Variants in KMT2D observed in about 807,000 individuals in gnomAD.
KMT2D encodes the protein histone-lysine N-methyltransferase 2D.
In KMT2D, 55 loss-of-function variants were observed where a neutral mutation model predicts 512.7. That is an observed-to-expected ratio of 0.11 (90% CI 0.09 to 0.13). The LOEUF (loss-of-function observed/expected upper bound fraction) is 0.13, where lower values mean the gene tolerates loss of function less well. KMT2D is among the 10% of genes least tolerant of loss of function. KMT2D has a pLI of 1.00. For synonymous variants in KMT2D, 2,995 were observed against 2,904.0 expected, an observed-to-expected ratio of 1.03 and a Z score of -1.01; for missense variants, 6,061 against 7,127.9, an observed-to-expected ratio of 0.85 and a Z score of 5.39.
At position 49,054,690 on chromosome 12, in the gene KMT2D, G is replaced by A. The variant is rs1455183787; in HGVS notation, c.238C>T (p.Arg80Trp). ...NCGEPSLHGQ[R>W]ELRRFELPFD... is the part of the protein sequence containing the mutation. The stretch of plus-strand genomic sequence containing the variant: ...GGCAACTCAAAGCGCCGTAGCTCCC[G>A]CTGCCCGTGTAGACTGGGCTCCCCG... The change falls in exon 4 of 55, where the codon CGG becomes TGG. Residue 80 changes from arginine (R) to tryptophan (W), a missense_variant. By Grantham distance (101) the Arg-to-Trp change is moderately radical (BLOSUM62 -3). This residue lies in a region of KMT2D where 144 missense variants were observed against 165.7 expected (regional missense o/e 0.87). Transcript: ENST00000301067. The surrounding 1 kb of genome is among the most constrained non-coding windows in gnomAD (Gnocchi z 6.4). The A allele has an allele frequency of 4.3e-6, 7 of 1,612,910 alleles. No homozygotes were observed. The highest frequency in any genetic ancestry group is 2.2e-5 in the East Asian group (1 of 44,828).
In KMT2D at chr12:49,054,841, A is replaced by T. The variant is rs1000269537; in HGVS notation, c.176+59T>A. 8 of 1,603,442 alleles carry T rather than the reference A, an allele frequency of 5.0e-6. No homozygotes were observed. Among genetic ancestry groups the T allele is most frequent in the Non-Finnish European group, 6.8e-6 (8 of 1,172,170 alleles). On this transcript the variant is annotated intron_variant, in intron 3 of 54. Coordinates refer to ENST00000301067, the MANE Select transcript of KMT2D (RefSeq NM_003482.4). The surrounding 1 kb of genome is among the most constrained non-coding windows in gnomAD (Gnocchi z 6.4). The stretch of plus-strand genomic sequence containing the variant: ...TGCTTCCCCAACACTCATTTTCCTA[A>T]ATTCTCTTCCTTGAAAGCCCTAGAC...
In KMT2D at chr12:49,020,230, G is replaced by T. The variant is rs566595518; in HGVS notation, c.*1550C>A. On this transcript the variant is annotated 3_prime_UTR_variant, in exon 55 of 55. Transcript: ENST00000301067. ...ATAACATAGTCCAACTATACAACAGGGGGTGGGAATTGCCCAGCCTCTATA... is the reference window on the plus strand; with the variant it reads ...ATAACATAGTCCAACTATACAACAGTGGGTGGGAATTGCCCAGCCTCTATA... The T allele has an allele frequency of 1.7e-5, 3 of 176,072 alleles. No individual in the cohort carries two copies. The highest frequency in any genetic ancestry group is 3.7e-5 in the Non-Finnish European group (3 of 81,686). The allele number at this position is 176,072 out of a possible 1,614,324, so 10.9% of individuals were successfully genotyped here.
chr12:49,045,987 C>T lies in KMT2D; in HGVS notation c.4694-20G>A, dbSNP rs769807018. On this transcript the variant is annotated intron_variant, in intron 18 of 54. Transcript: ENST00000301067. ...CAGGCGCTATGGAGAGAAGGACAAA[C>T]GGAGGTGGCTGAGGTCCTGTCCCAA... is the stretch of plus-strand genomic sequence containing the variant. 1.1e-5 allele frequency: 18 copies of T among 1,613,870 alleles called. No individual in the cohort carries two copies. The East Asian group carries it at 1.3e-4, about 12-fold the overall frequency.
rs2120395158 is a variant in KMT2D, at chr12:49,029,251, T to C, written c.14076-15A>G. On this transcript the variant is annotated splice_polypyrimidine_tract_variant and intron_variant, in intron 44 of 54. Transcript: ENST00000301067. ...CACTCTCCATCCTGGGGACCAAAAG[T>C]AGACATTTGTTGCTACAGCCCTGCA... 1.2e-6 allele frequency: 2 copies of C among 1,608,166 alleles called. No individual in the cohort carries two copies. The highest frequency in any genetic ancestry group is 1.7e-6 in the Non-Finnish European group (2 of 1,175,072).
chr12:49,045,011 G>A (rs371698342), intron 19 of KMT2D, 46 bp from the exon 20 acceptor site: 11 of 1,564,036 alleles, frequency 7.0e-6, no homozygotes, highest in Non-Finnish European at 9.7e-6. Flanking sequence ...GAAGCCCCAG[G>A]GAAACCAGAA....
chr12:49,028,248 G>A (rs959063306), intron 46 of KMT2D, 107 bp from the exon 47 acceptor site: 20 of 1,375,708 alleles, frequency 1.5e-5, no homozygotes, highest in African/African-American at 4.4e-5. Context: ...CACTCCCCAG[G>A]GTAGTTCTAT....
rs556912643 is a variant in KMT2D at position 49,019,538 on chromosome 12, A to G, written c.*2242T>C. 4.4e-6 allele frequency: 1 copy of G among 227,286 alleles called. No homozygotes were observed. Among genetic ancestry groups the G allele is most frequent in the Admixed American group, 5.7e-5 (1 of 17,608 alleles). The allele number at this position is 227,286 out of a possible 1,614,324, so 14.1% of individuals were successfully genotyped here. On this transcript the variant is annotated 3_prime_UTR_variant, in exon 55 of 55. Coordinates refer to ENST00000301067, the MANE Select transcript of KMT2D (RefSeq NM_003482.4). ...TACAGGACTATCGGATACCTAGCAT[A>G]TGCTTACAAAGTCTGCCCCATCCCC...
rs1277747873 is a variant in KMT2D, at chr12:49,038,854, T to G, written c.8502A>C (p.Ser2834=). 6.4e-7 allele frequency: 1 copy of G among 1,553,250 alleles called. No individual in the cohort carries two copies. Among genetic ancestry groups the G allele is most frequent in the African/African-American group, 1.4e-5 (1 of 73,210 alleles). ...GTCCAGGAGTTGATGGAAAGCGAGC[T>G]GACATGGCAAATCGCATGGAGGTTG... ...TAATSMRFAM[S]ARFPSTPGPE... is the part of the protein sequence containing the mutation. Residue 2834 remains serine (S), a synonymous_variant, in exon 35 of 55, where the codon TCA becomes TCC. Transcript: ENST00000301067. This position sits in a 1 kb window ranked among gnomAD's most constrained non-coding sequence, Gnocchi z 5.7.
chr12:49,037,054 A>T (rs2120472833), intron 35 of KMT2D, 71 bp downstream of exon 35: 1 of 1,505,898 alleles, frequency 6.6e-7, no homozygotes. Flanking sequence ...TGAGGTCTCT[A>T]GCCTCAGTGC....
chr12:49,048,015 CA>C lies in KMT2D; in HGVS notation c.4185del (p.Ala1396ProfsTer21). The C allele has an allele frequency of 6.2e-7, 1 of 1,612,818 alleles. No individual in the cohort carries two copies. Among genetic ancestry groups the C allele is most frequent in the African/African-American group, 1.3e-5 (1 of 74,898 alleles). On this transcript the variant is annotated frameshift_variant, in exon 15 of 55. Coordinates refer to ENST00000301067, the MANE Select transcript of KMT2D (RefSeq NM_003482.4). LOFTEE classifies it high-confidence loss of function. ...TAGCACTGAGAGCACTGCGAACAGG[CA>C]AGGAGGTGGCCCTCTGCCCCCCGGC... ...SFGRGAEGHL[L>X]ACSQCSQCYH...
chr12:49,033,878 T>G lies in KMT2D; in HGVS notation c.10827A>C (p.Gln3609His), dbSNP rs756817430. The G allele has an allele frequency of 6.4e-7, 1 of 1,553,748 alleles. No individual in the cohort carries two copies. The highest frequency in any genetic ancestry group is 1.2e-5 in the South Asian group (1 of 83,602). ...CCAGCACAGCTGAGTGCTGTTGCTG[T>G]TGTTGCTGCTGCTGCTGCTGTTGTT... ...QQQQQQQQQQ[Q>H]QQQHSAVLAL... Residue 3609 changes from glutamine (Q) to histidine (H), a missense_variant, in exon 40 of 55, where the codon CAA becomes CAC. Around this residue, in one of 16 missense-constraint regions of KMT2D, gnomAD observed 1,600 missense variants for 1,754.9 expected, o/e 0.91. Transcript: ENST00000301067.
chr12:49,026,072 G>T lies in KMT2D; in HGVS notation c.15784+110C>A. On this transcript the variant is annotated intron_variant, in intron 49 of 54. Coordinates refer to ENST00000301067, the MANE Select transcript of KMT2D (RefSeq NM_003482.4). The surrounding 1 kb of genome is among the most constrained non-coding windows in gnomAD (Gnocchi z 9.6). ...CCCCTGCCTGCCTGAGGTGGGGGAAGGAGGATCATTCACATAGAAGCTACA... is the reference window on the plus strand; with the variant it reads ...CCCCTGCCTGCCTGAGGTGGGGGAATGAGGATCATTCACATAGAAGCTACA... 2 of 1,074,446 alleles carry T rather than the reference G, an allele frequency of 1.9e-6. No homozygotes were observed. The highest frequency in any genetic ancestry group is 1.6e-5 in the African/African-American group (1 of 63,656). 66.6% of individuals were successfully genotyped at this position (1,074,446 alleles called of 1,614,324 possible).
chr12:49,041,368 G>C lies in KMT2D; in HGVS notation c.6402C>G (p.Gly2134=). The change falls in exon 32 of 55, where the codon GGC becomes GGG. Residue 2134 remains glycine (G), a synonymous_variant. Coordinates refer to ENST00000301067, the MANE Select transcript of KMT2D (RefSeq NM_003482.4). The surrounding 1 kb of genome is among the most constrained non-coding windows in gnomAD (Gnocchi z 5.4). ...GGAACCCGTCCGCAGAGGTAGACAA[G>C]CCGGCGGGGGTAGTGGGGCTGCCAA... is the stretch of plus-strand genomic sequence containing the variant. The part of the protein sequence containing the change: ...IFIGSPTTPA[G]LSTSADGFLK... 6.3e-7 allele frequency: 1 copy of C among 1,587,192 alleles called. No individual in the cohort carries two copies. The highest frequency in any genetic ancestry group is 8.6e-7 in the Non-Finnish European group (1 of 1,166,542).
rs370243498 is a variant in KMT2D, at chr12:49,031,816, A to G, written c.12889T>C (p.Ser4297Pro). The G allele has an allele frequency of 5.8e-4, 919 of 1,574,014 alleles. 1 individual carries two copies. The highest frequency in any genetic ancestry group is 7.4e-4 in the Non-Finnish European group (861 of 1,158,916). The change falls in exon 40 of 55, where the codon TCT becomes CCT. Residue 4297 changes from serine (S) to proline (P), a missense_variant. Physicochemically the swap from Ser to Pro is moderately conservative, Grantham distance 74 (BLOSUM62 -1). Transcript: ENST00000301067. ...PRLPAPPGAL[S>P]TGPVLGPVHP... The stretch of plus-strand genomic sequence containing the variant: ...ACAGGGCCAAGGACTGGTCCTGTAG[A>G]TAAGGCTCCTGGTGGGGCAGGGAGC...
intron 40 of KMT2D, 61 bp downstream of exon 40, chr12:49,031,114 T>C: frequency 1.2e-6 from 2 of 1,610,470 alleles, no homozygotes; most frequent in Admixed American, 1.7e-5. Flanking sequence ...GGCTCACTCA[T>C]TCTGCCCCCC....
Position 49,020,788 on chromosome 12 carries a change from G to C in KMT2D, c.*992C>G, listed in dbSNP as rs552467500. ...GGAGGGCAAACAGGCTCATGATGAG[G>C]TTGGGAAAACAGGAGGGAGATATCC... On this transcript the variant is annotated 3_prime_UTR_variant, in exon 55 of 55. Transcript: ENST00000301067. The C allele has an allele frequency of 1.8e-4, 38 of 205,962 alleles. No homozygotes were observed. In the South Asian group the frequency reaches 7.0e-3, roughly 38 times the overall value. 12.8% of individuals were successfully genotyped at this position (205,962 alleles called of 1,614,324 possible).
chr12:49,028,702 G>T, intron 46 of KMT2D, 126 bp downstream of exon 46: 1 of 1,258,446 alleles, frequency 7.9e-7, no homozygotes, highest in Non-Finnish European at 1.1e-6. Flanking sequence ...TCTAGCCCAG[G>T]CTTTCACATA....
At position 49,034,948 on chromosome 12, in the gene KMT2D, G is replaced by A. The variant is rs776569950; in HGVS notation, c.10232-13C>T. 7 of 1,613,616 alleles carry A rather than the reference G, an allele frequency of 4.3e-6. No individual in the cohort carries two copies. Among genetic ancestry groups the A allele is most frequent in the South Asian group, 1.1e-5 (1 of 91,038 alleles). On this transcript the variant is annotated splice_polypyrimidine_tract_variant and intron_variant, in intron 35 of 54. Coordinates refer to ENST00000301067, the MANE Select transcript of KMT2D (RefSeq NM_003482.4). ...AATTTGTCCAGGTCTGGAGAGGGGA[G>A]AACCAAGTGAGCTGGGCTATGGGGC...
chr12:49,025,153 G>A (rs1246137220), intron 49 of KMT2D, among the ~76,000 whole-genome samples: 1 of 152,192 alleles, frequency 6.6e-6, no homozygotes, highest in Non-Finnish European at 1.5e-5. Context: ...GGTCATCACA[G>A]AGCCTTGAGA....
Sources: gnomAD v4.1 joint callset for allele counts (sites outside exome capture counted in the v4.1 genomes callset) on GRCh38, gnomAD v4.1.1 for gene constraint, gnomAD v4.1.1 regional missense constraint, Gnocchi (gnomAD v3.1) non-coding constraint, MANE v1.5 for transcripts, NCBI Gene and HGNC (gene_info 2026-07-23, HGNC 2026-07-21) for gene names.